The following MFHAS1 variants were observed in gnomAD, a reference collection of about 807,000 sequenced individuals.
MFHAS1 encodes the protein malignant fibrous histiocytoma-amplified sequence 1.
Under a neutral mutation model 70.4 loss-of-function variants are expected in MFHAS1, and 50 were observed. That is an observed-to-expected ratio of 0.71 (90% confidence interval 0.57 to 0.90). The LOEUF is 0.90. Among genes scored for constraint, MFHAS1 ranks in the 40% least tolerant of loss-of-function variants. The pLI is 0.00. For missense variants in MFHAS1, 1,795 were observed against 1,347.6 expected, an observed-to-expected ratio of 1.33 and a Z score of -5.20; for synonymous variants, 952 against 620.0, an observed-to-expected ratio of 1.54 and a Z score of -7.96.
chr8:8,868,230 C>A (rs1207310776), intron 1 of MFHAS1, among the ~76,000 whole-genome samples: 2 of 151,898 alleles, frequency 1.3e-5, no homozygotes, highest in East Asian at 1.9e-4. Flanking sequence ...GAATAAATAT[C>A]CTGACAAATA....
chr8:8,852,812 C>T (rs925233975), intron 1 of MFHAS1, among the ~76,000 whole-genome samples: 2 of 152,146 alleles, frequency 1.3e-5, no homozygotes, highest in Admixed American at 6.5e-5. Context: ...GAACAGAGTC[C>T]GGTAAACAGT....
intron 1 of MFHAS1, among the ~76,000 whole-genome samples, chr8:8,840,925 A>G (rs889780007): frequency 2.6e-5 from 4 of 152,246 alleles, no homozygotes; most frequent in Admixed American, 2.6e-4. Context: ...CACTTCTTAC[A>G]CAAGAGCATA....
intron 1 of MFHAS1, among the ~76,000 whole-genome samples, chr8:8,854,826 TAAGCA>T (rs937257780): frequency 3.9e-5 from 6 of 152,198 alleles, no homozygotes; most frequent in African/African-American, 1.4e-4. Flanking sequence ...GACCCACCCA[TAAGCA>T]ACACTTTATT....
chr8:8,797,303 C>A, intron 2 of MFHAS1, 62 bp downstream of exon 2: 2 of 1,581,566 alleles, frequency 1.3e-6, no homozygotes, highest in South Asian at 2.3e-5. Flanking sequence ...TTTTTGTGGT[C>A]ATATCTATGG....
rs150549557 is a variant in MFHAS1 at position 8,809,520 on chromosome 8, C to T, written c.2999-12029G>A. ...GACCCAAGTCAAAGCCGCCTCTTCCCGCCACTCACTCGTCCCACCACGCCT... is the reference window on the plus strand; with the variant it reads ...GACCCAAGTCAAAGCCGCCTCTTCCTGCCACTCACTCGTCCCACCACGCCT... On this transcript the variant is annotated intron_variant, in intron 1 of 2. Coordinates refer to ENST00000276282, the MANE Select transcript of MFHAS1 (RefSeq NM_004225.3). 1.0e-3 allele frequency among the ~76,000 whole-genome samples: 159 copies of T among 152,314 alleles called. 1 individual carries two copies. The highest frequency in any genetic ancestry group is 8.9e-3 in the East Asian group (46 of 5,188).
intron 1 of MFHAS1, among the ~76,000 whole-genome samples, chr8:8,879,482 C>G (rs2116925474): frequency 6.6e-6 from 1 of 152,298 alleles, no homozygotes; most frequent in African/African-American, 2.4e-5. Flanking sequence ...CAAGTTCTGC[C>G]TGAGATTTCT....
intron 1 of MFHAS1, among the ~76,000 whole-genome samples, chr8:8,832,287 C>A (rs1380257000): frequency 2.6e-5 from 4 of 152,072 alleles, no homozygotes; most frequent in African/African-American, 9.7e-5. Context: ...AAGCAAGCCA[C>A]CCACTGGGAG....
At chr8:8,877,115 C>T (rs1278519305) in intron 1 of MFHAS1, among the ~76,000 whole-genome samples, 4 of 151,696 alleles carry the variant, frequency 2.6e-5, no homozygotes, top group South Asian at 2.1e-4. Flanking sequence ...GCCCAGGCAA[C>T]GTGGCAAAAT....
At chr8:8,832,777 T>A (rs1807453853) in intron 1 of MFHAS1, among the ~76,000 whole-genome samples, 1 of 152,088 alleles carries the variant, frequency 6.6e-6, no homozygotes, top group South Asian at 2.1e-4. Flanking sequence ...TACAGGCACA[T>A]GCCATTACTA....
At position 8,893,062 on chromosome 8, in the gene MFHAS1, G is replaced by C; in HGVS notation, c.-4C>G. 1 of 1,486,936 alleles carries C rather than the reference G, an allele frequency of 6.7e-7. No homozygotes were observed. Among genetic ancestry groups the C allele is most frequent in the South Asian group, 1.3e-5 (1 of 78,482 alleles). 92.1% of individuals were successfully genotyped at this position (1,486,936 alleles called of 1,614,324 possible). The stretch of plus-strand genomic sequence containing the variant: ...TGCCACTGTCCATCCCAGCCATGGC[G>C]GGGCCCCGGGCCGACAGCCTCACGC... On this transcript the variant is annotated 5_prime_UTR_variant, in exon 1 of 3. Coordinates refer to ENST00000276282, the MANE Select transcript of MFHAS1 (RefSeq NM_004225.3).
Position 8,891,958 on chromosome 8 carries a change from C to T in MFHAS1, c.1101G>A (p.Val367=), listed in dbSNP as rs772864856. 1.2e-6 allele frequency: 2 copies of T among 1,611,874 alleles called. No individual in the cohort carries two copies. Among genetic ancestry groups the T allele is most frequent in the African/African-American group, 2.7e-5 (2 of 74,910 alleles). The change falls in exon 1 of 3, where the codon GTG becomes GTA. Residue 367 remains valine, a synonymous_variant. Coordinates refer to ENST00000276282, the MANE Select transcript of MFHAS1 (RefSeq NM_004225.3). This position sits in a 1 kb window ranked among gnomAD's most constrained non-coding sequence, Gnocchi z 5.4. ...GGTTGTCTTTGATCTTCCACAAACC[C>T]ACCCGGGAGAGCTGGCCAAAGTGGT... ...LPDHFGQLSR[V]GLWKIKDNPL... is the part of the protein sequence containing the mutation.
At chr8:8,845,945 G>A (rs973075470) in intron 1 of MFHAS1, among the ~76,000 whole-genome samples, 6 of 151,750 alleles carry the variant, frequency 4.0e-5, no homozygotes, top group Admixed American at 6.6e-5. Flanking sequence ...CCTTCAACTC[G>A]ATCCTCCAAA....
chr8:8,823,569 C>T (rs1807044844), intron 1 of MFHAS1, among the ~76,000 whole-genome samples: 1 of 151,878 alleles, frequency 6.6e-6, no homozygotes, highest in African/African-American at 2.4e-5. Flanking sequence ...ATATTTTCTA[C>T]TTAATTTTCT....
rs143400151 is a variant in MFHAS1 at position 8,867,063 on chromosome 8, G to A, written c.2998+22998C>T. 6.2e-3 allele frequency among the ~76,000 whole-genome samples: 941 copies of A among 152,282 alleles called. 8 individuals are homozygous for A. Among genetic ancestry groups the A allele is most frequent in the African/African-American group, 0.022 (894 of 41,558 alleles). On this transcript the variant is annotated intron_variant, in intron 1 of 2. Coordinates refer to ENST00000276282, the MANE Select transcript of MFHAS1 (RefSeq NM_004225.3). ...TGGTATGATCTATTTTTAGCTTACA[G>A]TTCAGCTACACATAATATATTAACA...
chr8:8,820,936 A>G (rs147580883), intron 1 of MFHAS1, among the ~76,000 whole-genome samples: 102 of 152,364 alleles, frequency 6.7e-4, no homozygotes, highest in African/African-American at 2.4e-3. Context: ...AGCAGCAGTG[A>G]GAGAGAGAAG....
intron 1 of MFHAS1, among the ~76,000 whole-genome samples, chr8:8,875,852 G>C (rs764570714): frequency 4.6e-5 from 7 of 152,154 alleles, no homozygotes; most frequent in Non-Finnish European, 1.0e-4. Context: ...CTCCCAAAGT[G>C]CTGGCATTAC....
intron 1 of MFHAS1, among the ~76,000 whole-genome samples, chr8:8,812,855 C>T (rs1806601166): frequency 6.6e-6 from 1 of 152,116 alleles, no homozygotes; most frequent in Non-Finnish European, 1.5e-5. Context: ...CAACCTCCAC[C>T]TCCTGGGTTC....
intron 1 of MFHAS1, among the ~76,000 whole-genome samples, chr8:8,856,637 A>G: frequency 6.6e-6 from 1 of 152,220 alleles, no homozygotes; most frequent in East Asian, 1.9e-4. Flanking sequence ...CCTACATTTC[A>G]ATATTAAAAA....
chr8:8,802,818 A>C (rs1477682680), intron 1 of MFHAS1, among the ~76,000 whole-genome samples: 1 of 152,214 alleles, frequency 6.6e-6, no homozygotes, highest in Non-Finnish European at 1.5e-5. Context: ...CTTTCTGGGA[A>C]ACATGATGAG....
Sources: gnomAD v4.1 joint callset for allele counts (sites outside exome capture counted in the v4.1 genomes callset) on GRCh38, gnomAD v4.1.1 for gene constraint, Gnocchi (gnomAD v3.1) non-coding constraint, MANE v1.5 for transcripts, NCBI Gene and HGNC (gene_info 2026-07-23, HGNC 2026-07-21) for gene names.